NSD2: variants seen among roughly 807,000 people sequenced by gnomAD.
The protein encoded by NSD2 is nuclear receptor binding SET domain protein 2.
A neutral mutation model predicts 139.0 loss-of-function variants in NSD2; 12 were observed. The observed-to-expected ratio is 0.09, with a 90% confidence interval of 0.06 to 0.14. The LOEUF is 0.14. Among genes scored for constraint, NSD2 ranks in the 10% least tolerant of loss-of-function variants. The pLI is 1.00. For synonymous variants in NSD2, 669 were observed against 648.7 expected, an observed-to-expected ratio of 1.03 and a Z score of -0.48; for missense variants, 1,155 against 1,745.0, an observed-to-expected ratio of 0.66 and a Z score of 6.02.
intron 1 of NSD2, among the ~76,000 whole-genome samples, chr4:1,883,985 C>G (rs1377936297): frequency 6.6e-6 from 1 of 152,184 alleles, no homozygotes; most frequent in African/African-American, 2.4e-5. Flanking sequence ...CTTATTCTTC[C>G]TTAAGTGGGA....
chr4:1,969,360 C>T (rs760669938), intron 18 of NSD2, among the ~76,000 whole-genome samples: 2 of 152,148 alleles, frequency 1.3e-5, no homozygotes, highest in African/African-American at 2.4e-5. Flanking sequence ...AGCCAGTACC[C>T]GCTCCAAGAA....
At chr4:1,896,821 T>C (rs1386715520) in intron 1 of NSD2, among the ~76,000 whole-genome samples, 3 of 151,936 alleles carry the variant, frequency 2.0e-5, no homozygotes, top group Non-Finnish European at 2.9e-5. Context: ...TCTTTCTTTC[T>C]TTTCCTTTCT....
intron 9 of NSD2, chr4:1,940,815 T>C: frequency 9.5e-7 from 1 of 1,057,230 alleles, no homozygotes; most frequent in Non-Finnish European, 1.1e-6. Flanking sequence ...ATTAGAGGAG[T>C]GTAGGCCTTC....
At chr4:1,921,424 A>G (rs939975876) in intron 5 of NSD2, among the ~76,000 whole-genome samples, 1 of 152,018 alleles carries the variant, frequency 6.6e-6, no homozygotes, top group Non-Finnish European at 1.5e-5. Flanking sequence ...GTGCCACTGC[A>G]CTCCAGCCTG....
chr4:1,887,361 A>G (rs942173903), intron 1 of NSD2: 1 of 152,196 alleles, frequency 6.6e-6, no homozygotes, highest in African/African-American at 2.4e-5. Flanking sequence ...AGTTATAGCA[A>G]GTCCCCACTT....
In NSD2 at chr4:1,917,129, C is replaced by T. The variant is rs192233515; in HGVS notation, c.927+92C>T. On this transcript the variant is annotated intron_variant, in intron 4 of 21. Coordinates refer to ENST00000508803, the MANE Select transcript of NSD2 (RefSeq NM_001042424.3). Reference sequence around the variant, plus strand: ...TTTTTGTTTTGAACTTATACTTGCTCGAAATATTGTAATGGCTTAACAATC... The same window carrying T: ...TTTTTGTTTTGAACTTATACTTGCTTGAAATATTGTAATGGCTTAACAATC... 3.0e-4 allele frequency: 360 copies of T among 1,197,442 alleles called. 3 individuals are homozygous for T. The African/African-American group carries it at 4.8e-3, about 16-fold the overall frequency. 74.2% of individuals were successfully genotyped at this position (1,197,442 alleles called of 1,614,324 possible). A position where few individuals can be genotyped will look rare whatever the true frequency, so the allele number is the denominator to read the frequency against.
intron 10 of NSD2, 111 bp downstream of exon 10, chr4:1,951,314 C>CT: frequency 7.2e-7 from 1 of 1,398,034 alleles, no homozygotes; most frequent in Non-Finnish European, 9.8e-7. Flanking sequence ...CTTCCCCAAT[C>CT]TCACCGTCAC....
chr4:1,950,053 G>A (rs571841363), intron 9 of NSD2, among the ~76,000 whole-genome samples: 1 of 152,290 alleles, frequency 6.6e-6, no homozygotes, highest in African/African-American at 2.4e-5. Context: ...TGTAGTTTAT[G>A]CTTTTGCTCT....
chr4:1,959,115 C>T (rs921251753), intron 16 of NSD2, among the ~76,000 whole-genome samples: 7 of 152,194 alleles, frequency 4.6e-5, no homozygotes, highest in Admixed American at 2.0e-4. Flanking sequence ...CTCTTACCAG[C>T]GTTTGCTGGA....
rs201126604 is a variant in NSD2 at position 1,938,547 on chromosome 4, G to T, written c.1756+15G>T. On this transcript the variant is annotated intron_variant, in intron 8 of 21. Transcript: ENST00000508803. ...GAGCCAGGCAGGTAATGTGGTCAGC[G>T]CCCTTTCCTTCTTGGCTTCTGGGTG... The T allele has an allele frequency of 1.2e-5, 19 of 1,525,194 alleles. No individual in the cohort carries two copies. In the East Asian group the frequency reaches 4.8e-4, roughly 39 times the overall value. The allele number at this position is 1,525,194 out of a possible 1,614,324, so 94.5% of individuals were successfully genotyped here.
At chr4:1,884,277 G>A (rs189206383) in intron 1 of NSD2, among the ~76,000 whole-genome samples, 2 of 152,154 alleles carry the variant, frequency 1.3e-5, no homozygotes, top group East Asian at 3.9e-4. Context: ...TGTATTTCTT[G>A]TAGAGATGGG....
rs752561839 is a variant in NSD2 at position 1,973,715 on chromosome 4, C to T, written c.3373-1148C>T. ...GTGCGTGGGCAGTTGTGTCAGAGGCCGCGTGTGAATAGTGACTCCGAAGCC... is the reference window on the plus strand; with the variant it reads ...GTGCGTGGGCAGTTGTGTCAGAGGCTGCGTGTGAATAGTGACTCCGAAGCC... On this transcript the variant is annotated intron_variant, in intron 18 of 21. Transcript: ENST00000508803. This position sits in a 1 kb window ranked among gnomAD's most constrained non-coding sequence, Gnocchi z 5.5. 2.0e-5 allele frequency among the ~76,000 whole-genome samples: 3 copies of T among 152,202 alleles called. No homozygotes were observed. The highest frequency in any genetic ancestry group is 2.1e-4 in the South Asian group (1 of 4,830).
At position 1,971,080 on chromosome 4, in the gene NSD2, C is replaced by T. The variant is rs892233409; in HGVS notation, c.3373-3783C>T. On this transcript the variant is annotated intron_variant, in intron 18 of 21. Coordinates refer to ENST00000508803, the MANE Select transcript of NSD2 (RefSeq NM_001042424.3). ...GTTAAAAATAAAATTGTGGGCAGGCCGGGTGCAGTGGCTCATGCCAGTAAT... is the reference window on the plus strand; with the variant it reads ...GTTAAAAATAAAATTGTGGGCAGGCTGGGTGCAGTGGCTCATGCCAGTAAT... Among the ~76,000 whole-genome samples the T allele has an allele frequency of 3.2e-4, 48 of 152,122 alleles. 1 individual carries two copies. The highest frequency in any genetic ancestry group is 9.7e-4 in the African/African-American group (40 of 41,412).
intron 5 of NSD2, among the ~76,000 whole-genome samples, chr4:1,921,474 G>A (rs1033288078): frequency 2.1e-5 from 3 of 144,438 alleles, no homozygotes; most frequent in Non-Finnish European, 4.6e-5. Flanking sequence ...AAAAAAAAAA[G>A]CATTCTCTTT....
chr4:1,975,600 C>A, intron 20 of NSD2, 200 bp downstream of exon 20: 1 of 564,650 alleles, frequency 1.8e-6, no homozygotes. Context: ...GAACGTGTTT[C>A]CTGGGGCTGC....
intron 1 of NSD2, among the ~76,000 whole-genome samples, chr4:1,885,672 C>T (rs1017939312): frequency 1.3e-5 from 2 of 151,904 alleles, no homozygotes; most frequent in Admixed American, 1.3e-4. Context: ...ATGGCTGTGC[C>T]TTCTTGGTGG....
In NSD2 at chr4:1,980,723, C is replaced by T. The variant is rs1375550689; in HGVS notation, c.*1814C>T. On this transcript the variant is annotated 3_prime_UTR_variant, in exon 22 of 22. Coordinates refer to ENST00000508803, the MANE Select transcript of NSD2 (RefSeq NM_001042424.3). ...CAGCAAAGTTAACTACACAGAGGAC[C>T]CAGGGGAAACGAGCTGTGTAGCCAC... 3 of 233,048 alleles carry T rather than the reference C, an allele frequency of 1.3e-5. No individual in the cohort carries two copies. The highest frequency in any genetic ancestry group is 6.6e-5 in the African/African-American group (3 of 45,312). The allele number at this position is 233,048 out of a possible 1,614,324, so 14.4% of individuals were successfully genotyped here.
chr4:1,877,520 C>G (rs1714348427), intron 1 of NSD2, among the ~76,000 whole-genome samples: 1 of 152,162 alleles, frequency 6.6e-6, no homozygotes, highest in South Asian at 2.1e-4. Context: ...TTTCTTCTGC[C>G]CATGTGCCCC....
At chr4:1,872,274 C>G (rs982129646) in intron 1 of NSD2, among the ~76,000 whole-genome samples, 1 of 152,140 alleles carries the variant, frequency 6.6e-6, no homozygotes, top group Non-Finnish European at 1.5e-5. Context: ...GGATGTTCCC[C>G]TCGCCCCAGG....
Sources: gnomAD v4.1 joint callset for allele counts (sites outside exome capture counted in the v4.1 genomes callset) on GRCh38, gnomAD v4.1.1 for gene constraint, Gnocchi (gnomAD v3.1) non-coding constraint, MANE v1.5 for transcripts, NCBI Gene and HGNC (gene_info 2026-07-23, HGNC 2026-07-21) for gene names.